The following IFNW1 variants were observed in gnomAD, a reference collection of about 807,000 sequenced individuals.
IFNW1 encodes interferon omega 1, also known as interferon omega-1.
For missense variants in IFNW1, 293 were observed against 227.7 expected, an observed-to-expected ratio of 1.29 and a Z score of -1.84; for synonymous variants, 105 against 88.0, an observed-to-expected ratio of 1.19 and a Z score of -1.08.
rs369753524 is a variant in IFNW1, at chr9:21,141,368, C to A, written c.203G>T (p.Gly68Val). ...GACATGGGCCTTCTGCAACTGGCTC[C>A]CTTTTACCATCTCCTGGGGGAACCT... Reference protein sequence around the residue: ...DFRFPQEMVKGSQLQKAHVMS... With the variant: ...DFRFPQEMVKVSQLQKAHVMS... Residue 68 changes from glycine to valine, a missense_variant, in exon 1 of 1, where the codon GGG becomes GTG. Gly to Val is a moderately radical substitution (Grantham distance 109). Transcript: ENST00000380229. The A allele has an allele frequency of 3.1e-6, 5 of 1,613,774 alleles. No individual in the cohort carries two copies. The highest frequency in any genetic ancestry group is 3.4e-6 in the Non-Finnish European group (4 of 1,179,790).
Position 21,141,772 on chromosome 9 carries a change from C to A in IFNW1, c.-202G>T. Reference sequence around the variant, plus strand: ...CCCTATGACCTTAAGAGGATGACAACAATCTATTAATTTTGCATTAGACTT... The same window carrying A: ...CCCTATGACCTTAAGAGGATGACAAAAATCTATTAATTTTGCATTAGACTT... On this transcript the variant is annotated 5_prime_UTR_variant, in exon 1 of 1. Transcript: ENST00000380229. The A allele has an allele frequency of 2.6e-6, 1 of 380,150 alleles. No homozygotes were observed. The highest frequency in any genetic ancestry group is 4.9e-6 in the Non-Finnish European group (1 of 204,508). 23.5% of individuals were successfully genotyped at this position (380,150 alleles called of 1,614,324 possible).
chr9:21,141,720 C>T lies in IFNW1; in HGVS notation c.-150G>A, dbSNP rs892842929. 1.9e-6 allele frequency: 1 copy of T among 519,438 alleles called. No individual in the cohort carries two copies. The highest frequency in any genetic ancestry group is 2.0e-5 in the African/African-American group (1 of 50,872). The allele number at this position is 519,438 out of a possible 1,614,324, so 32.2% of individuals were successfully genotyped here. On this transcript the variant is annotated 5_prime_UTR_variant, in exon 1 of 1. Coordinates refer to ENST00000380229, the MANE Select transcript of IFNW1 (RefSeq NM_002177.3). Reference sequence around the variant, plus strand: ...GAACATTTCTCTGTACTTTCAGTTTCTTTTACTGTTTTCATTTGTGTGTTC... The same window carrying T: ...GAACATTTCTCTGTACTTTCAGTTTTTTTTACTGTTTTCATTTGTGTGTTC...
At position 21,141,556 on chromosome 9, in the gene IFNW1, G is replaced by C. The variant is rs747367740; in HGVS notation, c.15C>G (p.Phe5Leu). 2 of 1,582,648 alleles carry C rather than the reference G, an allele frequency of 1.3e-6. No homozygotes were observed. The highest frequency in any genetic ancestry group is 1.7e-6 in the Non-Finnish European group (2 of 1,165,198). The change falls in exon 1 of 1, where the codon TTC (phenylalanine) becomes TTG (leucine). Residue 5 changes from phenylalanine to leucine, a missense_variant. Phe to Leu is a conservative substitution (Grantham distance 22, BLOSUM62 0). Transcript: ENST00000380229. MALL[F>L]PLLAALVMTS... ...TCATCACTAGGGCTGCCAGTAGAGG[G>C]AACAGGAGGGCCATTGGGAAATGAG... is the stretch of plus-strand genomic sequence containing the variant.
chr9:21,140,755 AAT>A lies in IFNW1; in HGVS notation c.*226_*227del. On this transcript the variant is annotated 3_prime_UTR_variant, in exon 1 of 1. Coordinates refer to ENST00000380229, the MANE Select transcript of IFNW1 (RefSeq NM_002177.3). ...GTTATATAAGAATATAAATAGTATA[AAT>A]ATGATAAAATGTAAGAATAAATAAA... The A allele has an allele frequency of 2.8e-6, 1 of 357,676 alleles. No individual in the cohort carries two copies. Among genetic ancestry groups the A allele is most frequent in the Admixed American group, 4.2e-5 (1 of 23,638 alleles). 22.2% of individuals were successfully genotyped at this position (357,676 alleles called of 1,614,324 possible). A position where few individuals can be genotyped will look rare whatever the true frequency, so the allele number is the denominator to read the frequency against.
rs779867800 is a variant in IFNW1, at chr9:21,141,381, C to G, written c.190G>C (p.Glu64Gln). 1 of 1,613,922 alleles carries G rather than the reference C, an allele frequency of 6.2e-7. No homozygotes were observed. The highest frequency in any genetic ancestry group is 1.1e-5 in the South Asian group (1 of 91,040). Residue 64 changes from glutamate (E) to glutamine (Q), a missense_variant, in exon 1 of 1, where the codon GAG becomes CAG. Glu to Gln is a conservative substitution (Grantham distance 29). Coordinates refer to ENST00000380229, the MANE Select transcript of IFNW1 (RefSeq NM_002177.3). ...TGCAACTGGCTCCCTTTTACCATCT[C>G]CTGGGGGAACCTGAAGTCTCTTCTG... is the stretch of plus-strand genomic sequence containing the variant. The part of the protein sequence containing the change: ...KDRRDFRFPQ[E>Q]MVKGSQLQKA...
At position 21,141,202 on chromosome 9, in the gene IFNW1, C is replaced by G. The variant is rs750540117; in HGVS notation, c.369G>C (p.Leu123Phe). The change falls in exon 1 of 1, where the codon TTG becomes TTC. Residue 123 changes from leucine (L) to phenylalanine (F), a missense_variant. Leu to Phe is a conservative substitution (Grantham distance 22, BLOSUM62 0). Coordinates refer to ENST00000380229, the MANE Select transcript of IFNW1 (RefSeq NM_002177.3). Reference sequence around the variant, plus strand: ...ATTCTCCTTCTCCCACTACCTGCAGCAAGCAGGTCTCCAGGTGTTGCAGTT... The same window carrying G: ...ATTCTCCTTCTCCCACTACCTGCAGGAAGCAGGTCTCCAGGTGTTGCAGTT... Reference protein sequence around the residue: ...HQQLQHLETCLLQVVGEGESA... With the variant: ...HQQLQHLETCFLQVVGEGESA... 1 of 1,613,962 alleles carries G rather than the reference C, an allele frequency of 6.2e-7. No individual in the cohort carries two copies. Among genetic ancestry groups the G allele is most frequent in the African/African-American group, 1.3e-5 (1 of 74,914 alleles).
In IFNW1 at chr9:21,141,503, C is replaced by T; in HGVS notation, c.68G>A (p.Gly23Asp). 6.2e-7 allele frequency: 1 copy of T among 1,613,382 alleles called. No homozygotes were observed. The highest frequency in any genetic ancestry group is 8.5e-7 in the Non-Finnish European group (1 of 1,179,612). The change falls in exon 1 of 1, where the codon GGC becomes GAC. Residue 23 changes from glycine (G) to aspartate (D), a missense_variant. By Grantham distance (94) the Gly-to-Asp change is moderately conservative (BLOSUM62 -1). Transcript: ENST00000380229. The part of the protein sequence containing the change: ...MTSYSPVGSL[G>D]CDLPQNHGLL... ...GCCATGGTTCTGAGGCAGATCACAG[C>T]CCAGAGATCCAACAGGGCTATAGCT...
At position 21,141,608 on chromosome 9, in the gene IFNW1, A is replaced by T. The variant is rs766038866; in HGVS notation, c.-38T>A. The T allele has an allele frequency of 4.9e-6, 7 of 1,431,888 alleles. No individual in the cohort carries two copies. In the East Asian group the frequency reaches 1.6e-4, roughly 33 times the overall value. 88.7% of individuals were successfully genotyped at this position (1,431,888 alleles called of 1,614,324 possible). On this transcript the variant is annotated 5_prime_UTR_variant, in exon 1 of 1. The change creates a premature stop within an existing upstream ORF in the 5' untranslated region. Coordinates refer to ENST00000380229, the MANE Select transcript of IFNW1 (RefSeq NM_002177.3). ...ATGCTCCTGGCTTTACTGAGCTGGG[A>T]TATGGCTTAACCTTGGACCCTAGGT...
rs1403935773 is a variant in IFNW1 at position 21,141,197 on chromosome 9, T to A, written c.374A>T (p.Gln125Leu). The A allele has an allele frequency of 6.2e-7, 1 of 1,614,074 alleles. No homozygotes were observed. Among genetic ancestry groups the A allele is most frequent in the Admixed American group, 1.7e-5 (1 of 60,006 alleles). ...AGCAGATTCTCCTTCTCCCACTACC[T>A]GCAGCAAGCAGGTCTCCAGGTGTTG... Reference protein sequence around the residue: ...QLQHLETCLLQVVGEGESAGA... With the variant: ...QLQHLETCLLLVVGEGESAGA... The change falls in exon 1 of 1, where the codon CAG (glutamine) becomes CTG (leucine). Residue 125 changes from glutamine (Q) to leucine (L), a missense_variant. Coordinates refer to ENST00000380229, the MANE Select transcript of IFNW1 (RefSeq NM_002177.3).
Position 21,141,629 on chromosome 9 carries a change from T to A in IFNW1, c.-59A>T. On this transcript the variant is annotated 5_prime_UTR_variant, in exon 1 of 1. It removes the in-frame stop codon of an upstream open reading frame in the 5' UTR. Transcript: ENST00000380229. ...TGGGATATGGCTTAACCTTGGACCC[T>A]AGGTTTTCTGAAGACATTGCTTGTA... 4.2e-6 allele frequency: 5 copies of A among 1,190,694 alleles called. No homozygotes were observed. Among genetic ancestry groups the A allele is most frequent in the Non-Finnish European group, 5.9e-6 (5 of 847,496 alleles). The allele number at this position is 1,190,694 out of a possible 1,614,324, so 73.8% of individuals were successfully genotyped here.
rs10964859 is a variant in IFNW1 at position 21,140,673 on chromosome 9, C to G, written c.*310G>C. On this transcript the variant is annotated 3_prime_UTR_variant, in exon 1 of 1. Coordinates refer to ENST00000380229, the MANE Select transcript of IFNW1 (RefSeq NM_002177.3). ...ATAAATAACAAAATACAATATTTAA[C>G]CAAATGGAAAGCTGAACATGTTTTG... The G allele has an allele frequency of 0.31, 54,598 of 173,356 alleles. 8,990 individuals are homozygous for G. Among genetic ancestry groups the G allele is most frequent in the South Asian group, 0.37 (1,889 of 5,094 alleles). 10.7% of individuals were successfully genotyped at this position (173,356 alleles called of 1,614,324 possible).
In IFNW1 at chr9:21,141,821, G is replaced by C. The variant is rs1320240006; in HGVS notation, c.-251C>G. 1.7e-5 allele frequency: 5 copies of C among 288,580 alleles called. No individual in the cohort carries two copies. Among genetic ancestry groups the C allele is most frequent in the Non-Finnish European group, 3.4e-5 (5 of 146,480 alleles). 17.9% of individuals were successfully genotyped at this position (288,580 alleles called of 1,614,324 possible). On this transcript the variant is annotated 5_prime_UTR_variant, in exon 1 of 1. Coordinates refer to ENST00000380229, the MANE Select transcript of IFNW1 (RefSeq NM_002177.3). ...TTCAGCTAAACTCCAGTAAACTTCA[G>C]CTGTGTCAATACAAATGAATGCTTA...
rs1191736289 is a variant in IFNW1 at position 21,140,841 on chromosome 9, A to T, written c.*142T>A. The T allele has an allele frequency of 6.6e-6, 4 of 609,266 alleles. No homozygotes were observed. The highest frequency in any genetic ancestry group is 1.1e-5 in the Non-Finnish European group (4 of 349,386). 37.7% of individuals were successfully genotyped at this position (609,266 alleles called of 1,614,324 possible). A position where few individuals can be genotyped will look rare whatever the true frequency, so the allele number is the denominator to read the frequency against. ...GCCCCTGAACCTAAGTCTTTTTAAC[A>T]TATACTGGCTTAATATACCGACAAA... On this transcript the variant is annotated 3_prime_UTR_variant, in exon 1 of 1. Coordinates refer to ENST00000380229, the MANE Select transcript of IFNW1 (RefSeq NM_002177.3).
At position 21,141,452 on chromosome 9, in the gene IFNW1, A is replaced by G; in HGVS notation, c.119T>C (p.Leu40Pro). The change falls in exon 1 of 1, where the codon CTT (leucine) becomes CCT (proline). Residue 40 changes from leucine (L) to proline (P), a missense_variant. Coordinates refer to ENST00000380229, the MANE Select transcript of IFNW1 (RefSeq NM_002177.3). ...GGAGATTCTCCTCATTTGGTGCAGAAGCACCAAGGTGTTCCTGCTAAGTAG... is the reference window on the plus strand; with the variant it reads ...GGAGATTCTCCTCATTTGGTGCAGAGGCACCAAGGTGTTCCTGCTAAGTAG... The part of the protein sequence containing the change: ...HGLLSRNTLV[L>P]LHQMRRISPF... 6.2e-7 allele frequency: 1 copy of G among 1,613,102 alleles called. No homozygotes were observed. Among genetic ancestry groups the G allele is most frequent in the South Asian group, 1.1e-5 (1 of 91,062 alleles).
rs765068213 is a variant in IFNW1, at chr9:21,141,284, G to C, written c.287C>G (p.Ser96Cys). Reference protein sequence around the residue: ...QIFSLFHTERSSAAWNMTLLD... With the variant: ...QIFSLFHTERCSAAWNMTLLD... ...GAGGGTCATGTTCCAGGCAGCAGAG[G>C]AGCGCTCTGTGTGGAAGAGGCTGAA... Residue 96 changes from serine (S) to cysteine (C), a missense_variant, in exon 1 of 1, where the codon TCC (serine) becomes TGC (cysteine). Physicochemically the swap from Ser to Cys is moderately radical, Grantham distance 112. Transcript: ENST00000380229. The C allele has an allele frequency of 3.2e-5, 51 of 1,614,034 alleles. No individual in the cohort carries two copies. The highest frequency in any genetic ancestry group is 4.2e-5 in the Non-Finnish European group (50 of 1,180,014).
rs1237083706 is a variant in IFNW1, at chr9:21,141,810, A to G, written c.-240T>C. 1 of 307,914 alleles carries G rather than the reference A, an allele frequency of 3.2e-6. No homozygotes were observed. Among genetic ancestry groups the G allele is most frequent in the Non-Finnish European group, 6.3e-6 (1 of 158,490 alleles). The allele number at this position is 307,914 out of a possible 1,614,324, so 19.1% of individuals were successfully genotyped here. On this transcript the variant is annotated 5_prime_UTR_variant, in exon 1 of 1. Coordinates refer to ENST00000380229, the MANE Select transcript of IFNW1 (RefSeq NM_002177.3). ...TTGCATTAGACTTCAGCTAAACTCC[A>G]GTAAACTTCAGCTGTGTCAATACAA...
At position 21,140,961 on chromosome 9, in the gene IFNW1, A is replaced by C. The variant is rs771254141; in HGVS notation, c.*22T>G. 1 of 1,543,494 alleles carries C rather than the reference A, an allele frequency of 6.5e-7. No individual in the cohort carries two copies. Among genetic ancestry groups the C allele is most frequent in the African/African-American group, 1.4e-5 (1 of 73,152 alleles). ...GTCACATGTGCAAGTGTTATATGGC[A>C]AATTAATCAATGAGAATCATTTCAA... is the stretch of plus-strand genomic sequence containing the variant. On this transcript the variant is annotated 3_prime_UTR_variant, in exon 1 of 1. Coordinates refer to ENST00000380229, the MANE Select transcript of IFNW1 (RefSeq NM_002177.3).
At position 21,141,152 on chromosome 9, in the gene IFNW1, G is replaced by T. The variant is rs141874070; in HGVS notation, c.419C>A (p.Ala140Glu). ...GESAGAISSP[A>E]LTLRRYFQGI... ...CTGGAAGTACCTCCTCAAGGTCAGT[G>T]CAGGGCTGCTAATTGCCCCAGCAGA... The change falls in exon 1 of 1, where the codon GCA (alanine) becomes GAA (glutamate). Residue 140 changes from alanine to glutamate, a missense_variant. Transcript: ENST00000380229. The T allele has an allele frequency of 2.5e-6, 4 of 1,614,160 alleles. No homozygotes were observed. The highest frequency in any genetic ancestry group is 2.5e-6 in the Non-Finnish European group (3 of 1,180,010).
Position 21,141,268 on chromosome 9 carries a change from G to C in IFNW1, c.303C>G (p.Asn101Lys). ...FHTERSSAAW[N>K]MTLLDQLHTG... The stretch of plus-strand genomic sequence containing the variant: ...TGTGGAGTTGGTCTAGGAGGGTCAT[G>C]TTCCAGGCAGCAGAGGAGCGCTCTG... The change falls in exon 1 of 1, where the codon AAC (asparagine) becomes AAG (lysine). Residue 101 changes from asparagine (N) to lysine (K), a missense_variant. Asn to Lys is a moderately conservative substitution (Grantham distance 94). Transcript: ENST00000380229. The C allele has an allele frequency of 6.2e-7, 1 of 1,614,194 alleles. No homozygotes were observed. Among genetic ancestry groups the C allele is most frequent in the Non-Finnish European group, 8.5e-7 (1 of 1,180,026 alleles).
Sources: gnomAD v4.1 joint callset for allele counts on GRCh38, gnomAD v4.1.1 for gene constraint, MANE v1.5 for transcripts, NCBI Gene and HGNC (gene_info 2026-07-23, HGNC 2026-07-21) for gene names.